FOXN1: variants seen among roughly 807,000 people sequenced by gnomAD.
The protein encoded by FOXN1 is forkhead box protein N1.
FOXN1 carries 15 observed loss-of-function variants against 49.0 expected under a neutral mutation model. The ratio of observed to expected loss-of-function variants is 0.31; its 90% CI spans 0.20 to 0.47. FOXN1 has a LOEUF of 0.47. Ranked by LOEUF, FOXN1 falls within the 20% of genes least tolerant of loss-of-function variation. The pLI is 1.00. For synonymous variants in FOXN1, 356 were observed against 369.0 expected (o/e 0.96, Z 0.40); for missense variants, 800 against 842.8 (o/e 0.95, Z 0.63).
At chr17:28,533,080 C>A (rs2069952760) in intron 6 of FOXN1, among the ~76,000 whole-genome samples, 1 of 152,212 alleles carries the variant, frequency 6.6e-6, no homozygotes, top group Non-Finnish European at 1.5e-5. Context: ...TGCACCAGGT[C>A]CTGCCAGCCA....
intron 1 of FOXN1, among the ~76,000 whole-genome samples, chr17:28,518,331 GA>G (rs1319747196): frequency 3.3e-5 from 5 of 152,232 alleles, no homozygotes; most frequent in African/African-American, 4.8e-5. Context: ...ACAGAAAGGG[GA>G]AGTGAGTTAT....
chr17:28,535,374 C>T (rs1022017967), intron 8 of FOXN1, among the ~76,000 whole-genome samples, 176 bp downstream of exon 8: 4 of 152,196 alleles, frequency 2.6e-5, no homozygotes, highest in Non-Finnish European at 4.4e-5. Context: ...CTCTGCCATC[C>T]AGAGAATGGG....
chr17:28,524,385 G>T, intron 2 of FOXN1, 118 bp from the exon 3 acceptor site: 1 of 933,444 alleles, frequency 1.1e-6, no homozygotes. Flanking sequence ...CCACCATTTA[G>T]GGTCTTCCCA....
At chr17:28,522,105 G>A (rs559380896) in intron 1 of FOXN1, among the ~76,000 whole-genome samples, 7 of 152,382 alleles carry the variant, frequency 4.6e-5, no homozygotes, top group South Asian at 4.1e-4. Context: ...GCCCCTGGGC[G>A]ACTTGGGCAA....
rs1451657018 is a variant in FOXN1, at chr17:28,523,959, A to T, written c.-11A>T. 2 of 1,612,994 alleles carry T rather than the reference A, an allele frequency of 1.2e-6. No homozygotes were observed. The highest frequency in any genetic ancestry group is 1.7e-6 in the Non-Finnish European group (2 of 1,179,914). ...ATGGCAGACGGCTTTCTTTGAGGCC[A>T]GGACTGGGTGATGGTGTCGCTACCC... On this transcript the variant is annotated 5_prime_UTR_variant, in exon 2 of 9. Coordinates refer to ENST00000579795, the MANE Select transcript of FOXN1 (RefSeq NM_001369369.1).
intron 1 of FOXN1, among the ~76,000 whole-genome samples, chr17:28,507,820 A>T (rs1466246808): frequency 6.6e-6 from 1 of 152,152 alleles, no homozygotes; most frequent in Non-Finnish European, 1.5e-5. Flanking sequence ...CCCCGAGTGG[A>T]TGGGGGAAGG....
chr17:28,520,537 G>T (rs1597544964), intron 1 of FOXN1, among the ~76,000 whole-genome samples: 1 of 152,264 alleles, frequency 6.6e-6, no homozygotes, highest in East Asian at 1.9e-4. Flanking sequence ...TAAGGGGTGG[G>T]CCTCTGAACT....
chr17:28,528,597 G>A (rs2069829866), intron 4 of FOXN1, among the ~76,000 whole-genome samples: 1 of 152,096 alleles, frequency 6.6e-6, no homozygotes. Flanking sequence ...TGGCACCGCA[G>A]CCACTCCCTT....
At chr17:28,530,606 C>T (rs931955444) in intron 5 of FOXN1, 143 bp from the exon 6 acceptor site, 18 of 675,436 alleles carry the variant, frequency 2.7e-5, no homozygotes, top group South Asian at 1.3e-4. Flanking sequence ...TCCTGACTTC[C>T]GTGCTCACTT....
chr17:28,509,014 C>A (rs1247867548), intron 1 of FOXN1, among the ~76,000 whole-genome samples: 1 of 125,824 alleles, frequency 7.9e-6, no homozygotes, highest in East Asian at 2.7e-4. Flanking sequence ...GAGAGGCAAC[C>A]ATTGATCTGG....
intron 8 of FOXN1, 99 bp from the exon 9 acceptor site, chr17:28,537,018 C>T: frequency 1.1e-6 from 1 of 941,534 alleles, no homozygotes; most frequent in Admixed American, 1.7e-5. Flanking sequence ...CACCCTGACC[C>T]CTGCTCTCTG....
intron 3 of FOXN1, among the ~76,000 whole-genome samples, 189 bp downstream of exon 3, chr17:28,525,156 A>G (rs1207325905): frequency 6.6e-6 from 1 of 152,046 alleles, no homozygotes; most frequent in Non-Finnish European, 1.5e-5. Context: ...GAGGGGGGCA[A>G]GTGGGGGAGG....
chr17:28,520,669 A>T (rs964570849), intron 1 of FOXN1, among the ~76,000 whole-genome samples: 2 of 152,208 alleles, frequency 1.3e-5, no homozygotes, highest in Non-Finnish European at 2.9e-5. Context: ...AAGGCCTCTG[A>T]CATACAGGAA....
rs768671496 is a variant in FOXN1, at chr17:28,535,016, G to C, written c.1445G>C (p.Arg482Pro). ...CAGCCGGACGGGCACCTTGAGCTGC[G>C]GGCCCAGCCAGGCACCCCCCAGGAC... ...FPQPDGHLEL[R>P]AQPGTPQDSP... Residue 482 changes from arginine (R) to proline (P), a missense_variant, in exon 8 of 9, where the codon CGG becomes CCG. By Grantham distance (103) the Arg-to-Pro change is moderately radical. Coordinates refer to ENST00000579795, the MANE Select transcript of FOXN1 (RefSeq NM_001369369.1). The C allele has an allele frequency of 6.2e-7, 1 of 1,613,512 alleles. No individual in the cohort carries two copies. Among genetic ancestry groups the C allele is most frequent in the African/African-American group, 1.3e-5 (1 of 74,888 alleles).
At chr17:28,513,963 T>C (rs1054953234) in intron 1 of FOXN1, among the ~76,000 whole-genome samples, 13 of 152,214 alleles carry the variant, frequency 8.5e-5, no homozygotes, top group Non-Finnish European at 1.5e-4. Flanking sequence ...GCTGGGACCC[T>C]CCCTGCAGAA....
At chr17:28,526,765 G>C (rs2069778983) in intron 3 of FOXN1, among the ~76,000 whole-genome samples, 2 of 152,168 alleles carry the variant, frequency 1.3e-5, no homozygotes, top group African/African-American at 4.8e-5. Flanking sequence ...AAACAGAAGG[G>C]ACCCAGGCCC....
chr17:28,520,702 GT>G lies in FOXN1; in HGVS notation c.-14-3252del, dbSNP rs568019158. Among the ~76,000 whole-genome samples the G allele has an allele frequency of 3.3e-3, 502 of 152,342 alleles. 2 individuals are homozygous for G. Among genetic ancestry groups the G allele is most frequent in the Non-Finnish European group, 5.4e-3 (369 of 68,024 alleles). On this transcript the variant is annotated intron_variant, in intron 1 of 8. Transcript: ENST00000579795. ...GAACTTGGCTGGAGCTGGAGATGAT[GT>G]TCTGGAGAATAGGGAACAGGTGCAA...
At chr17:28,523,832 C>CTCTCA in intron 1 of FOXN1, 124 bp from the exon 2 acceptor site, 1 of 715,802 alleles carries the variant, frequency 1.4e-6, no homozygotes, top group Non-Finnish European at 2.5e-6. Flanking sequence ...CTCTCTCTCT[C>CTCTCA]ATCAGATGGC....
At chr17:28,520,493 A>G (rs915006130) in intron 1 of FOXN1, among the ~76,000 whole-genome samples, 5 of 152,212 alleles carry the variant, frequency 3.3e-5, no homozygotes, top group African/African-American at 9.7e-5. Context: ...ATCCCAGAGG[A>G]CCAGTCAGGA....
Sources: allele counts gnomAD v4.1 joint callset (sites outside exome capture counted in the v4.1 genomes callset), GRCh38; gene constraint gnomAD v4.1.1; transcripts MANE v1.5; gene names NCBI Gene and HGNC (gene_info 2026-07-23, HGNC 2026-07-21).